PLB1: variants seen among roughly 807,000 people sequenced by gnomAD.
PLB1 encodes the protein phospholipase B1, membrane-associated.
A neutral mutation model predicts 227.4 loss-of-function variants in PLB1; 242 were observed. That is an observed-to-expected ratio of 1.06 (90% CI 0.96 to 1.18). PLB1 has a LOEUF of 1.18. Ranked by LOEUF, PLB1 falls within the 50% of genes most tolerant of loss-of-function variation. The probability of loss-of-function intolerance (pLI) is 0.00; values close to 1 mark genes in which losing one functional copy is unlikely to be tolerated. For synonymous variants in PLB1, 757 were observed against 682.2 expected, an observed-to-expected ratio of 1.11 and a Z score of -1.71; for missense variants, 1,858 against 1,816.3, an observed-to-expected ratio of 1.02 and a Z score of -0.42.
At chr2:28,506,144 G>C (rs1400942178) in intron 1 of PLB1, among the ~76,000 whole-genome samples, 1 of 152,216 alleles carries the variant, frequency 6.6e-6, no homozygotes, top group African/African-American at 2.4e-5. Flanking sequence ...GGCTGTGCCT[G>C]GCTGGTAGTT....
chr2:28,548,766 C>A, intron 14 of PLB1, 94 bp from the exon 15 acceptor site: 1 of 1,216,622 alleles, frequency 8.2e-7, no homozygotes, highest in South Asian at 1.2e-5. Flanking sequence ...TTCCCTGGTA[C>A]TGCTGCTGGA....
intron 23 of PLB1, 111 bp from the exon 24 acceptor site, chr2:28,581,957 T>C (rs1352952247): frequency 2.0e-6 from 2 of 998,812 alleles, no homozygotes; most frequent in African/African-American, 3.7e-5. Context: ...TGAGATCCTA[T>C]CTCAAAAAAA....
chr2:28,548,560 G>C (rs1282233388), intron 14 of PLB1: 2 of 501,458 alleles, frequency 4.0e-6, no homozygotes, highest in African/African-American at 4.0e-5. Flanking sequence ...TTTCCTTCTA[G>C]GAGAGGTAGA....
chr2:28,592,518 T>C, intron 31 of PLB1, 143 bp from the exon 32 acceptor site: 1 of 794,014 alleles, frequency 1.3e-6, no homozygotes, highest in African/African-American at 1.7e-5. Context: ...TAACTTTGCC[T>C]CCATGGCACT....
At chr2:28,526,370 A>G (rs957751386) in intron 6 of PLB1, among the ~76,000 whole-genome samples, 1 of 152,134 alleles carries the variant, frequency 6.6e-6, no homozygotes, top group African/African-American at 2.4e-5. Context: ...TTATCCTGTA[A>G]TATTGCCCTT....
At chr2:28,603,770 C>T (rs572404225) in intron 39 of PLB1, among the ~76,000 whole-genome samples, 196 bp from the exon 40 acceptor site, 2 of 152,354 alleles carry the variant, frequency 1.3e-5, no homozygotes, top group East Asian at 3.9e-4. Flanking sequence ...TGGCTCCCTC[C>T]CTCGGGCCAT....
rs1164680225 is a variant in PLB1 at position 28,613,762 on chromosome 2, C to G, written c.3130-269C>G. On this transcript the variant is annotated intron_variant, in intron 43 of 57. Coordinates refer to ENST00000327757, the MANE Select transcript of PLB1 (RefSeq NM_153021.5). ...TAGGTCTGAGGATTAGGGAGCTGTTCAGTTGCTAGGAGGAACACAAAAGCA... is the reference window on the plus strand; with the variant it reads ...TAGGTCTGAGGATTAGGGAGCTGTTGAGTTGCTAGGAGGAACACAAAAGCA... 2.0e-5 allele frequency among the ~76,000 whole-genome samples: 3 copies of G among 152,176 alleles called. No individual in the cohort carries two copies. The East Asian group carries it at 5.8e-4, about 29-fold the overall frequency.
chr2:28,624,391 C>T (rs778854917), intron 49 of PLB1, among the ~76,000 whole-genome samples: 15 of 135,030 alleles, frequency 1.1e-4, no homozygotes, highest in Non-Finnish European at 1.6e-4. Flanking sequence ...ACCAATAGTT[C>T]GTCCCTTTTT....
rs1683820903 is a variant in PLB1 at position 28,601,232 on chromosome 2, A to G, written c.2527-20A>G. ...ATTTCCTTGTTGGAAATTATCAAGC[A>G]TTTTCCTCCCTCCATATAGAGAGTA... On this transcript the variant is annotated intron_variant, in intron 36 of 57. Coordinates refer to ENST00000327757, the MANE Select transcript of PLB1 (RefSeq NM_153021.5). 6.3e-7 allele frequency: 1 copy of G among 1,594,172 alleles called. No individual in the cohort carries two copies.
At chr2:28,547,830 A>G (rs1231250705) in intron 14 of PLB1, among the ~76,000 whole-genome samples, 2 of 136,380 alleles carry the variant, frequency 1.5e-5, no homozygotes, top group South Asian at 2.6e-4. Context: ...TATAATGAAC[A>G]TTTAAAAATA....
chr2:28,540,261 A>T, intron 11 of PLB1, 105 bp from the exon 12 acceptor site: 1 of 880,494 alleles, frequency 1.1e-6, no homozygotes, highest in Non-Finnish European at 1.9e-6. Context: ...CCTACTCCTT[A>T]AGCAACTCCT....
chr2:28,501,837 A>G (rs4416177), intron 1 of PLB1, among the ~76,000 whole-genome samples: 65,595 of 151,984 alleles, frequency 0.43, 16,295 homozygotes, highest in Middle Eastern at 0.64. Context: ...ATATTCCAGT[A>G]TGTACCATAT....
At chr2:28,586,072 G>A (rs1680859598) in intron 26 of PLB1, among the ~76,000 whole-genome samples, 1 of 152,156 alleles carries the variant, frequency 6.6e-6, no homozygotes, top group African/African-American at 2.4e-5. Context: ...CTCAGTTCCT[G>A]GTCGTTAAAT....
At position 28,644,081 on chromosome 2, in the gene PLB1, G is replaced by T. The variant is rs1338138777; in HGVS notation, c.*1020G>T. Reference sequence around the variant, plus strand: ...CGCCGCAAATTGTTCCATTTAAAATGATTAATTGTGTATCATGTGAATTTC... The same window carrying T: ...CGCCGCAAATTGTTCCATTTAAAATTATTAATTGTGTATCATGTGAATTTC... On this transcript the variant is annotated 3_prime_UTR_variant, in exon 58 of 58. Coordinates refer to ENST00000327757, the MANE Select transcript of PLB1 (RefSeq NM_153021.5). 6.6e-6 allele frequency among the ~76,000 whole-genome samples: 1 copy of T among 152,224 alleles called. No individual in the cohort carries two copies. The highest frequency in any genetic ancestry group is 1.5e-5 in the Non-Finnish European group (1 of 68,046).
intron 17 of PLB1, among the ~76,000 whole-genome samples, chr2:28,556,286 A>C (rs1436091534): frequency 3.3e-5 from 5 of 152,238 alleles, no homozygotes; most frequent in Non-Finnish European, 7.3e-5. Flanking sequence ...ACCTGTCATC[A>C]ACAGGCCATG....
At chr2:28,625,555 C>T (rs552178460) in intron 50 of PLB1, among the ~76,000 whole-genome samples, 1 of 152,090 alleles carries the variant, frequency 6.6e-6, no homozygotes, top group Non-Finnish European at 1.5e-5. Context: ...AATTCAGCTC[C>T]CGGTGGGATT....
chr2:28,528,941 CTTTTTTTTTT>C (rs201087238), intron 6 of PLB1, among the ~76,000 whole-genome samples: 28 of 109,428 alleles, frequency 2.6e-4, no homozygotes, highest in African/African-American at 5.7e-4. Context: ...GGGAGTCAGT[CTTTTTTTTTT>C]TTTTTTTTTT....
chr2:28,532,991 CTCT>C (rs1029277282), intron 9 of PLB1, among the ~76,000 whole-genome samples: 1 of 152,186 alleles, frequency 6.6e-6, no homozygotes, highest in African/African-American at 2.4e-5. Flanking sequence ...GGCACCTGGA[CTCT>C]TCTTCAGGAT....
Position 28,516,876 on chromosome 2 carries a change from G to A in PLB1, c.117+7G>A, listed in dbSNP as rs1186929374. 4.3e-6 allele frequency: 7 copies of A among 1,613,024 alleles called. No homozygotes were observed. Among genetic ancestry groups the A allele is most frequent in the Admixed American group, 3.3e-5 (2 of 60,000 alleles). On this transcript the variant is annotated splice_region_variant and intron_variant, in intron 2 of 57. Coordinates refer to ENST00000327757, the MANE Select transcript of PLB1 (RefSeq NM_153021.5). ...AGGGCAGCTATGGCCAGAGGTAAGG[G>A]CTTTGGCTGGTGGGAGGTGCGTGTG...
Sources: gnomAD v4.1 joint callset for allele counts (sites outside exome capture counted in the v4.1 genomes callset) on GRCh38, gnomAD v4.1.1 for gene constraint, MANE v1.5 for transcripts, NCBI Gene and HGNC (gene_info 2026-07-23, HGNC 2026-07-21) for gene names.